The following CDH18 variants were observed in gnomAD, a reference collection of about 807,000 sequenced individuals.
CDH18 encodes cadherin 18.
A neutral mutation model predicts 67.9 loss-of-function variants in CDH18; 31 were observed. The observed-to-expected ratio is 0.46, with a 90% CI of 0.34 to 0.62. The LOEUF (loss-of-function observed/expected upper bound fraction) is 0.62, where lower values mean the gene tolerates loss of function less well. Among genes scored for constraint, CDH18 ranks in the 20% least tolerant of loss-of-function variants. The pLI is 0.01. For missense variants in CDH18, 890 were observed against 975.5 expected, an observed-to-expected ratio of 0.91 and a Z score of 1.17; for synonymous variants, 362 against 347.2, an observed-to-expected ratio of 1.04 and a Z score of -0.48.
chr5:20,110,470 G>A (rs1421562037), intron 2 of CDH18, among the ~76,000 whole-genome samples: 1 of 152,122 alleles, frequency 6.6e-6, no homozygotes, highest in Non-Finnish European at 1.5e-5. Flanking sequence ...ATTACCTCAG[G>A]TCAGGAGTTT....
chr5:20,268,255 C>T (rs1190894301), intron 1 of CDH18, among the ~76,000 whole-genome samples: 4 of 152,172 alleles, frequency 2.6e-5, no homozygotes, highest in Non-Finnish European at 5.9e-5. Context: ...CTGCAATGAA[C>T]ATATGCGTGA....
chr5:20,270,600 A>C (rs1745365377), intron 1 of CDH18, among the ~76,000 whole-genome samples: 1 of 152,122 alleles, frequency 6.6e-6, no homozygotes, highest in Admixed American at 6.6e-5. Flanking sequence ...CTAAAAACAA[A>C]AATACCATTG....
intron 3 of CDH18, among the ~76,000 whole-genome samples, chr5:19,765,563 T>C (rs1287487945): frequency 6.6e-6 from 1 of 152,146 alleles, no homozygotes; most frequent in African/African-American, 2.4e-5. Flanking sequence ...AACATAATTT[T>C]ATAAAGAGGG....
intron 2 of CDH18, among the ~76,000 whole-genome samples, chr5:20,240,642 T>A (rs1742824540): frequency 6.6e-6 from 1 of 152,234 alleles, no homozygotes; most frequent in Admixed American, 6.5e-5. Context: ...ATATTCACAA[T>A]AGTTCCTAAT....
At chr5:20,413,736 C>T (rs1747007438) in intron 1 of CDH18, among the ~76,000 whole-genome samples, 1 of 152,110 alleles carries the variant, frequency 6.6e-6, no homozygotes, top group Admixed American at 6.6e-5. Flanking sequence ...GGGTAGAGTG[C>T]AAAAATTTTC....
intron 2 of CDH18, among the ~76,000 whole-genome samples, chr5:20,050,033 C>G (rs1166364000): frequency 6.6e-6 from 1 of 151,442 alleles, no homozygotes; most frequent in Non-Finnish European, 1.5e-5. Flanking sequence ...ACATTCTCAC[C>G]TTTCAAAGCA....
intron 2 of CDH18, among the ~76,000 whole-genome samples, chr5:20,024,112 T>C (rs1738679313): frequency 6.6e-6 from 1 of 152,204 alleles, no homozygotes; most frequent in Non-Finnish European, 1.5e-5. Flanking sequence ...TAAAAGCTAA[T>C]CTCATCATAA....
chr5:19,739,430 G>T (rs1415660525), intron 4 of CDH18, among the ~76,000 whole-genome samples: 2 of 152,136 alleles, frequency 1.3e-5, no homozygotes, highest in Admixed American at 6.5e-5. Context: ...CTGGTAACCA[G>T]CATCCACCAC....
At chr5:20,228,709 T>C (rs1035374156) in intron 2 of CDH18, among the ~76,000 whole-genome samples, 3 of 152,104 alleles carry the variant, frequency 2.0e-5, no homozygotes, top group African/African-American at 4.8e-5. Flanking sequence ...TGAGATAATA[T>C]GGTATTTGTC....
At chr5:19,584,949 C>G (rs773051699) in intron 7 of CDH18, among the ~76,000 whole-genome samples, 2 of 150,790 alleles carry the variant, frequency 1.3e-5, no homozygotes, top group Non-Finnish European at 3.0e-5. Flanking sequence ...GAGTCAAGAT[C>G]GCACCACTGC....
At chr5:19,768,456 T>C (rs1274857142) in intron 3 of CDH18, among the ~76,000 whole-genome samples, 3 of 152,102 alleles carry the variant, frequency 2.0e-5, no homozygotes, top group Admixed American at 1.3e-4. Flanking sequence ...ACAAAGAACA[T>C]AGATCTAACT....
At chr5:20,333,603 C>T (rs1739409302) in intron 1 of CDH18, among the ~76,000 whole-genome samples, 1 of 150,226 alleles carries the variant, frequency 6.7e-6, no homozygotes, top group Admixed American at 6.7e-5. Flanking sequence ...TAAAGGTAAT[C>T]TTTGCCTTGT....
At chr5:20,478,555 G>C (rs10075176) in intron 1 of CDH18, among the ~76,000 whole-genome samples, 3,910 of 152,232 alleles carry the variant, frequency 0.026, 167 homozygotes, top group African/African-American at 0.09. Context: ...GAAGGACTTT[G>C]TCTTACTTGA....
At chr5:20,499,406 T>C (rs561675925) in intron 1 of CDH18, among the ~76,000 whole-genome samples, 1 of 152,204 alleles carries the variant, frequency 6.6e-6, no homozygotes, top group African/African-American at 2.4e-5. Flanking sequence ...TTTTATTCTT[T>C]TCTAAATATT....
Position 20,511,975 on chromosome 5 carries a change from C to G in CDH18, c.-580+63487G>C, listed in dbSNP as rs1445711555. ...TGGGTGTGGTGGCTCACGCCGAGCA[C>G]TTTGGGAGGCTGAGGTGGGTGGATC... On this transcript the variant is annotated intron_variant, in intron 1 of 14. Transcript: ENST00000507958. Among the ~76,000 whole-genome samples, 3 of 152,160 alleles carry G rather than the reference C, an allele frequency of 2.0e-5. 1 individual carries two copies. Among genetic ancestry groups the G allele is most frequent in the East Asian group, 3.9e-4 (2 of 5,156 alleles).
At chr5:19,713,318 C>G (rs926657060) in intron 5 of CDH18, among the ~76,000 whole-genome samples, 5 of 152,060 alleles carry the variant, frequency 3.3e-5, no homozygotes, top group African/African-American at 1.2e-4. Flanking sequence ...CTGGTAGCAG[C>G]TGGTCAATTT....
intron 1 of CDH18, among the ~76,000 whole-genome samples, chr5:20,308,823 A>T (rs1736724167): frequency 6.6e-6 from 1 of 152,148 alleles, no homozygotes; most frequent in Admixed American, 6.5e-5. Context: ...AACCAAGGTC[A>T]GATATACCTA....
At chr5:20,566,359 TC>T (rs1449212188) in intron 1 of CDH18, among the ~76,000 whole-genome samples, 2 of 134,522 alleles carry the variant, frequency 1.5e-5, no homozygotes, top group East Asian at 2.1e-4. Flanking sequence ...TTTTTCTTTT[TC>T]TTTTTTTTTT....
intron 2 of CDH18, among the ~76,000 whole-genome samples, chr5:20,160,423 C>A (rs1460406116): frequency 6.6e-6 from 1 of 152,240 alleles, no homozygotes; most frequent in East Asian, 1.9e-4. Flanking sequence ...TTAAACCCAA[C>A]CAAAAAATTT....
Sources: gnomAD v4.1 joint callset for allele counts (sites outside exome capture counted in the v4.1 genomes callset) on GRCh38, gnomAD v4.1.1 for gene constraint, MANE v1.5 for transcripts, NCBI Gene and HGNC (gene_info 2026-07-23, HGNC 2026-07-21) for gene names.